Variants in CACNA1B observed in about 807,000 individuals in gnomAD.
CACNA1B encodes voltage-dependent N-type calcium channel subunit alpha-1B.
Under a neutral mutation model 247.2 loss-of-function variants are expected in CACNA1B, and 70 were observed. The ratio of observed to expected loss-of-function variants is 0.28; its 90% CI spans 0.23 to 0.35. The LOEUF is 0.35. Ranked by LOEUF, CACNA1B falls within the 10% of genes least tolerant of loss-of-function variation. The pLI is 1.00. For synonymous variants in CACNA1B, 1,231 were observed against 1,294.4 expected (o/e 0.95, Z 1.05); for missense variants, 2,367 against 3,197.4 (o/e 0.74, Z 6.26).
intron 36 of CACNA1B, among the ~76,000 whole-genome samples, chr9:138,081,876 A>G (rs930954076): frequency 6.6e-6 from 1 of 151,068 alleles, no homozygotes; most frequent in Non-Finnish European, 1.5e-5. Context: ...GTAATCGAAA[A>G]CTTCCCAATA....
chr9:138,063,458 C>T (rs995489320), intron 31 of CACNA1B, among the ~76,000 whole-genome samples: 1 of 152,226 alleles, frequency 6.6e-6, no homozygotes, highest in Non-Finnish European at 1.5e-5. Context: ...CGCACCACTG[C>T]ACTCCAGCCT....
At chr9:138,028,726 C>T (rs531278307) in intron 20 of CACNA1B, among the ~76,000 whole-genome samples, 1 of 152,200 alleles carries the variant, frequency 6.6e-6, no homozygotes, top group African/African-American at 2.4e-5. Context: ...GGTGCTTAAT[C>T]AAGTCCCTTT....
In CACNA1B at chr9:138,104,706, C is replaced by T. The variant is rs374852461; in HGVS notation, c.5320-993C>T. Among the ~76,000 whole-genome samples, 5 of 152,312 alleles carry T rather than the reference C, an allele frequency of 3.3e-5. No homozygotes were observed. In the East Asian group the frequency reaches 5.8e-4, roughly 18 times the overall value. On this transcript the variant is annotated intron_variant, in intron 38 of 46. Coordinates refer to ENST00000371372, the MANE Select transcript of CACNA1B (RefSeq NM_000718.4). ...GAAGAGGCTGCCCTGCCACAGGTTGCAGGCTTGGGCAAGGACAGGCAGACC... is the reference window on the plus strand; with the variant it reads ...GAAGAGGCTGCCCTGCCACAGGTTGTAGGCTTGGGCAAGGACAGGCAGACC...
chr9:138,046,045 A>C (rs1959183048), intron 21 of CACNA1B, among the ~76,000 whole-genome samples: 1 of 152,020 alleles, frequency 6.6e-6, no homozygotes, highest in African/African-American at 2.4e-5. Flanking sequence ...CTGGTCCCCC[A>C]CCCGTAGATG....
intron 11 of CACNA1B, among the ~76,000 whole-genome samples, chr9:137,972,057 C>T (rs931327575): frequency 6.6e-6 from 1 of 151,888 alleles, no homozygotes; most frequent in Non-Finnish European, 1.5e-5. Flanking sequence ...CTTACCCTCC[C>T]CAGGTTCCCC....
chr9:137,947,898 G>A (rs1241692290), intron 6 of CACNA1B, among the ~76,000 whole-genome samples: 1 of 147,710 alleles, frequency 6.8e-6, no homozygotes, highest in Non-Finnish European at 1.5e-5. Flanking sequence ...GCTATAATGT[G>A]TTTGCCTGGG....
chr9:138,016,848 G>A (rs1958799192), intron 18 of CACNA1B, among the ~76,000 whole-genome samples: 1 of 152,266 alleles, frequency 6.6e-6, no homozygotes, highest in South Asian at 2.1e-4. Flanking sequence ...TGGGCAGTGT[G>A]TGCTGAGTGA....
chr9:138,087,709 G>A (rs1267093010), intron 36 of CACNA1B, among the ~76,000 whole-genome samples: 181 of 73,802 alleles, frequency 2.5e-3, no homozygotes, highest in African/African-American at 0.012. Context: ...GTGAGACTCC[G>A]TCTCAAAAAA....
intron 36 of CACNA1B, among the ~76,000 whole-genome samples, chr9:138,090,141 A>G (rs1352815869): frequency 6.6e-6 from 1 of 152,218 alleles, no homozygotes. Flanking sequence ...TTGAGCAACA[A>G]GAAGAAAGCT....
At chr9:137,949,220 G>GTGCGCTTGTGTGTCC in intron 6 of CACNA1B, among the ~76,000 whole-genome samples, 1 of 149,914 alleles carries the variant, frequency 6.7e-6, no homozygotes, top group Non-Finnish European at 1.5e-5. Flanking sequence ...TGTGTGGTGT[G>GTGCGCTTGTGTGTCC]AGTGTGTGTG....
rs1233121479 is a variant in CACNA1B at position 138,100,409 on chromosome 9, G to A, written c.5223-2302G>A. Among the ~76,000 whole-genome samples the A allele has an allele frequency of 6.6e-6, 1 of 152,206 alleles. No individual in the cohort carries two copies. Among genetic ancestry groups the A allele is most frequent in the Non-Finnish European group, 1.5e-5 (1 of 68,032 alleles). ...GGCTTGATGGGCAGGGACAGCTGGG[G>A]AGGGTGGGGGGTCTCACGTGTGTCC... On this transcript the variant is annotated intron_variant, in intron 37 of 46. Transcript: ENST00000371372. The surrounding 1 kb of genome is among the most constrained non-coding windows in gnomAD (Gnocchi z 4.6).
At chr9:138,044,675 C>G (rs907122023) in intron 21 of CACNA1B, among the ~76,000 whole-genome samples, 1 of 152,176 alleles carries the variant, frequency 6.6e-6, no homozygotes, top group Admixed American at 6.5e-5. Flanking sequence ...AAGAGCTTGC[C>G]CGGCCAGAGC....
intron 36 of CACNA1B, among the ~76,000 whole-genome samples, chr9:138,087,572 G>C (rs144769195): frequency 6.6e-6 from 1 of 150,590 alleles, no homozygotes; most frequent in Non-Finnish European, 1.5e-5. Flanking sequence ...AAAATTAGCC[G>C]TGTGTGGTAG....
At chr9:137,936,271 G>A (rs1027428515) in intron 6 of CACNA1B, among the ~76,000 whole-genome samples, 16 of 152,170 alleles carry the variant, frequency 1.1e-4, no homozygotes, top group Non-Finnish European at 2.4e-4. Context: ...TCATGTGCCT[G>A]TTGGCTGCAT....
intron 36 of CACNA1B, among the ~76,000 whole-genome samples, chr9:138,091,725 A>G (rs1230247919): frequency 1.3e-5 from 2 of 152,244 alleles, no homozygotes; most frequent in East Asian, 1.9e-4. Context: ...ACAAAAATTT[A>G]TAAGAAAGAA....
At chr9:137,912,921 TG>T (rs1194693684) in intron 3 of CACNA1B, among the ~76,000 whole-genome samples, 5 of 152,106 alleles carry the variant, frequency 3.3e-5, no homozygotes, top group African/African-American at 1.2e-4. Context: ...GGTTTGGTCA[TG>T]TGGGTGATTG....
At chr9:138,000,180 G>A (rs931903259) in intron 15 of CACNA1B, among the ~76,000 whole-genome samples, 1 of 151,006 alleles carries the variant, frequency 6.6e-6, no homozygotes, top group Admixed American at 6.6e-5. Flanking sequence ...CTCACTGCAA[G>A]CTCCGCCTCC....
rs1364761882 is a variant in CACNA1B at position 137,914,113 on chromosome 9, CT to C, written c.623-540del. 6.6e-6 allele frequency among the ~76,000 whole-genome samples: 1 copy of C among 152,094 alleles called. No individual in the cohort carries two copies. Among genetic ancestry groups the C allele is most frequent in the Admixed American group, 6.5e-5 (1 of 15,268 alleles). On this transcript the variant is annotated intron_variant, in intron 4 of 46. Coordinates refer to ENST00000371372, the MANE Select transcript of CACNA1B (RefSeq NM_000718.4). The surrounding 1 kb of genome is among the most constrained non-coding windows in gnomAD (Gnocchi z 4.3). The stretch of plus-strand genomic sequence containing the variant: ...GGGTCTGTTAGGAATACCTGTACTT[CT>C]CCCCCAGGATCCCCTGCTCTTCCCT...
chr9:137,995,842 C>T (rs548816111), intron 15 of CACNA1B, among the ~76,000 whole-genome samples: 15 of 152,224 alleles, frequency 9.9e-5, no homozygotes, highest in African/African-American at 2.9e-4. Flanking sequence ...AACAAACAAT[C>T]TCATTAAAAA....
Sources: gnomAD v4.1 joint callset for allele counts (sites outside exome capture counted in the v4.1 genomes callset) on GRCh38, gnomAD v4.1.1 for gene constraint, Gnocchi (gnomAD v3.1) non-coding constraint, MANE v1.5 for transcripts, NCBI Gene and HGNC (gene_info 2026-07-23, HGNC 2026-07-21) for gene names.